The following PIGN variants were observed in gnomAD, a reference collection of about 807,000 sequenced individuals.
The protein encoded by PIGN is GPI ethanolamine phosphate transferase 1.
A neutral mutation model predicts 125.4 loss-of-function variants in PIGN; 117 were observed. The observed-to-expected ratio is 0.93, with a 90% CI of 0.80 to 1.09. PIGN has a LOEUF of 1.09. Ranked by LOEUF, PIGN falls within the 50% of genes least tolerant of loss-of-function variation. The pLI is 0.00. For synonymous variants in PIGN, 392 were observed against 377.8 expected, an observed-to-expected ratio of 1.04 and a Z score of -0.44; for missense variants, 1,075 against 1,094.9, an observed-to-expected ratio of 0.98 and a Z score of 0.26.
intron 1 of PIGN, among the ~76,000 whole-genome samples, chr18:62,167,274 A>T (rs1321211980): frequency 1.4e-5 from 2 of 146,390 alleles, no homozygotes; most frequent in Non-Finnish European, 3.0e-5. Flanking sequence ...ATAGAGATAT[A>T]TAGAGATATA....
At chr18:62,157,385 C>T (rs1450505504) in intron 5 of PIGN, among the ~76,000 whole-genome samples, 158 bp from the exon 6 acceptor site, 1 of 151,886 alleles carries the variant, frequency 6.6e-6, no homozygotes, top group Non-Finnish European at 1.5e-5. Flanking sequence ...TAAAAAAAAA[C>T]TAACAATAGA....
chr18:62,117,542 C>T (rs999332580), intron 14 of PIGN, among the ~76,000 whole-genome samples: 2 of 141,702 alleles, frequency 1.4e-5, no homozygotes, highest in Non-Finnish European at 3.2e-5. Context: ...TTTTATTCCT[C>T]AGCCCCCCCC....
chr18:62,091,530 A>T (rs985961610), intron 23 of PIGN, among the ~76,000 whole-genome samples: 1 of 152,232 alleles, frequency 6.6e-6, no homozygotes, highest in Non-Finnish European at 1.5e-5. Context: ...GACATGTGCT[A>T]CAATTTCCAT....
intron 11 of PIGN, 112 bp from the exon 12 acceptor site, chr18:62,140,591 T>C (rs1277798824): frequency 3.4e-5 from 19 of 564,470 alleles, no homozygotes; most frequent in Non-Finnish European, 5.5e-5. Context: ...TATAATCAGT[T>C]ACCTTCAAAC....
intron 24 of PIGN, 53 bp from the exon 25 acceptor site, chr18:62,088,895 A>G (rs2033835257): frequency 3.8e-6 from 4 of 1,064,948 alleles, no homozygotes; most frequent in Non-Finnish European, 5.6e-6. Flanking sequence ...GCTTATTTCT[A>G]TATTTGAAGG....
At chr18:62,064,330 T>C (rs1377530302) in intron 30 of PIGN, among the ~76,000 whole-genome samples, 2 of 152,226 alleles carry the variant, frequency 1.3e-5, no homozygotes, top group Admixed American at 1.3e-4. Context: ...GAATGTCCCA[T>C]ACCAGTTATA....
intron 30 of PIGN, among the ~76,000 whole-genome samples, chr18:62,050,375 T>C (rs1488964209): frequency 2.0e-5 from 3 of 152,314 alleles, no homozygotes; most frequent in East Asian, 1.9e-4. Context: ...TTTTATTTCA[T>C]TGAGCAGTGG....
chr18:62,184,753 T>C (rs2037837051), intron 1 of PIGN: 1 of 152,246 alleles, frequency 6.6e-6, no homozygotes, highest in African/African-American at 2.4e-5. Flanking sequence ...ACTGACTTAA[T>C]TGCTTTTTCA....
chr18:62,033,497 G>C (rs1014994332), intron 23 of PIGN, among the ~76,000 whole-genome samples: 2 of 152,204 alleles, frequency 1.3e-5, no homozygotes, highest in Non-Finnish European at 2.9e-5. Context: ...GTTTAGTTCA[G>C]TGCCTTACAC....
chr18:62,150,271 A>C (rs1449587562), intron 7 of PIGN, among the ~76,000 whole-genome samples: 1 of 152,244 alleles, frequency 6.6e-6, no homozygotes, highest in Non-Finnish European at 1.5e-5. Context: ...GGCGTGAGCC[A>C]CCGCGCCCAG....
chr18:62,145,947 C>A lies in PIGN; in HGVS notation c.884G>T (p.Arg295Ile), dbSNP rs377036162. The A allele has an allele frequency of 1.1e-4, 171 of 1,607,590 alleles. No individual in the cohort carries two copies. The highest frequency in any genetic ancestry group is 1.3e-4 in the Non-Finnish European group (155 of 1,175,036). Residue 295 changes from arginine (R) to isoleucine (I), a missense_variant, in exon 10 of 31, where the codon AGA (arginine) becomes ATA (isoleucine). Arg to Ile is a moderately conservative substitution (Grantham distance 97, BLOSUM62 -3). Around this residue, in one of 3 missense-constraint regions of PIGN, gnomAD observed 915 missense variants for 908.7 expected, o/e 1.01. Coordinates refer to ENST00000640252, the MANE Select transcript of PIGN (RefSeq NM_176787.5). ...TWGAGIKYPQ[R>I]VSAQQFDDAF... ...ATCATCAAATTGCTGAGCTGATACT[C>A]TTTGGGGATACTTGATTCCAGCTCC...
intron 11 of PIGN, among the ~76,000 whole-genome samples, chr18:62,142,628 T>C (rs1568223343): frequency 6.6e-6 from 1 of 152,286 alleles, no homozygotes; most frequent in African/African-American, 2.4e-5. Context: ...CAGTAAGTAA[T>C]CTCAGCTTGT....
chr18:62,055,958 A>C (rs1416145789), intron 30 of PIGN, among the ~76,000 whole-genome samples: 1 of 150,806 alleles, frequency 6.6e-6, no homozygotes, highest in East Asian at 2.0e-4. Flanking sequence ...TTATAATTAG[A>C]AGAAATGATA....
chr18:62,111,447 C>T (rs2034876519), intron 16 of PIGN, among the ~76,000 whole-genome samples: 2 of 152,078 alleles, frequency 1.3e-5, no homozygotes, highest in Admixed American at 6.6e-5. Context: ...CTGTTATCGT[C>T]ACCCTAAAGT....
chr18:62,181,805 C>A (rs926657679), intron 1 of PIGN, among the ~76,000 whole-genome samples: 2 of 152,142 alleles, frequency 1.3e-5, no homozygotes, highest in African/African-American at 4.8e-5. Flanking sequence ...CGGCTCACTG[C>A]AACCTCCACC....
intron 12 of PIGN, 63 bp downstream of exon 12, chr18:62,140,357 A>G: frequency 1.4e-6 from 1 of 722,652 alleles, no homozygotes; most frequent in East Asian, 2.9e-5. Context: ...AAAAAAGAGT[A>G]CATTTTACTG....
chr18:62,098,210 A>G lies in PIGN; in HGVS notation c.2078-2260T>C, dbSNP rs543479200. On this transcript the variant is annotated intron_variant, in intron 22 of 30. Transcript: ENST00000640252. ...GTCAACATCTTCTAAATTAAGTTAC[A>G]TGTAATGTCAATTTCACCTAAAGTC... Among the ~76,000 whole-genome samples, 4 of 152,350 alleles carry G rather than the reference A, an allele frequency of 2.6e-5. No individual in the cohort carries two copies. In the South Asian group the frequency reaches 8.3e-4, roughly 32 times the overall value.
At chr18:62,071,909 T>TATATATATATATATATAA (rs2032896106) in intron 30 of PIGN, among the ~76,000 whole-genome samples, 1 of 99,700 alleles carries the variant, frequency 1.0e-5, no homozygotes, top group African/African-American at 3.9e-5. Context: ...TATATATATA[T>TATATATATATATATATAA]AAATTTAACT....
chr18:62,120,194 A>T (rs2035245936), intron 14 of PIGN, among the ~76,000 whole-genome samples: 1 of 148,720 alleles, frequency 6.7e-6, no homozygotes, highest in South Asian at 2.1e-4. Flanking sequence ...AGAAAATCTT[A>T]AAAGCAGCTG....
Sources: allele counts gnomAD v4.1 joint callset (sites outside exome capture counted in the v4.1 genomes callset), GRCh38; gene constraint gnomAD v4.1.1; regional missense constraint gnomAD v4.1.1; transcripts MANE v1.5; gene names NCBI Gene and HGNC (gene_info 2026-07-23, HGNC 2026-07-21).